USP15: variants seen among roughly 807,000 people sequenced by gnomAD.
USP15 encodes the protein ubiquitin carboxyl-terminal hydrolase 15.
Under a neutral mutation model 127.1 loss-of-function variants are expected in USP15, and 18 were observed. The ratio of observed to expected loss-of-function variants is 0.14; its 90% CI spans 0.10 to 0.21. The LOEUF is 0.21. Ranked by LOEUF, USP15 falls within the 10% of genes least tolerant of loss-of-function variation. The pLI is 1.00. For missense variants in USP15, 805 were observed against 1,159.9 expected, an observed-to-expected ratio of 0.69 and a Z score of 4.44; for synonymous variants, 364 against 393.7, an observed-to-expected ratio of 0.92 and a Z score of 0.89.
intron 2 of USP15, among the ~76,000 whole-genome samples, chr12:62,298,600 C>T (rs957516598): frequency 1.3e-5 from 2 of 151,902 alleles, no homozygotes; most frequent in South Asian, 4.2e-4. Context: ...TGGAAGGCAG[C>T]GGTTCAGCAA....
rs2068116392 is a variant in USP15, at chr12:62,414,737, T to G, written c.*10362T>G. ...ATAGAAGTGTGTATTCAGGGTGCACTCAATAGGATTACATCTGGCTGGCAG... is the reference window on the plus strand; with the variant it reads ...ATAGAAGTGTGTATTCAGGGTGCACGCAATAGGATTACATCTGGCTGGCAG... On this transcript the variant is annotated 3_prime_UTR_variant, in exon 22 of 22. Transcript: ENST00000280377. 3.9e-5 allele frequency: 6 copies of G among 151,990 alleles called. No individual in the cohort carries two copies. The highest frequency in any genetic ancestry group is 2.6e-4 in the Admixed American group (4 of 15,240). The allele number at this position is 151,990 out of a possible 1,614,324, so 9.4% of individuals were successfully genotyped here.
At chr12:62,327,575 A>T in intron 6 of USP15, 1 of 399,632 alleles carries the variant, frequency 2.5e-6, no homozygotes, top group Non-Finnish European at 4.8e-6. Flanking sequence ...CATGAGTTCT[A>T]AAGATTGAGA....
At chr12:62,305,513 C>T (rs191245013) in intron 3 of USP15, 51 of 152,004 alleles carry the variant, frequency 3.4e-4, no homozygotes, top group African/African-American at 1.2e-3. Context: ...TACCTGCAGA[C>T]GTGTATTAAA....
rs2068051445 is a variant in USP15, at chr12:62,412,019, T to C, written c.*7644T>C. ...GACACAGTTGAGCCCATAGCAGATA[T>C]ATTTAGTAACAACTGTGGGTACAGG... On this transcript the variant is annotated 3_prime_UTR_variant, in exon 22 of 22. Transcript: ENST00000280377. 6.6e-6 allele frequency: 1 copy of C among 152,162 alleles called. No homozygotes were observed. Among genetic ancestry groups the C allele is most frequent in the Admixed American group, 6.5e-5 (1 of 15,270 alleles). The allele number at this position is 152,162 out of a possible 1,614,324, so 9.4% of individuals were successfully genotyped here. A position where few individuals can be genotyped will look rare whatever the true frequency, so the allele number is the denominator to read the frequency against.
At chr12:62,345,052 A>G (rs12317437) in intron 6 of USP15, among the ~76,000 whole-genome samples, 34,122 of 152,150 alleles carry the variant, frequency 0.22, 4,170 homozygotes, top group African/African-American at 0.34. Context: ...GGGGATTAAC[A>G]TTTGGCTGCT....
In USP15 at chr12:62,314,894, A is replaced by G; in HGVS notation, c.453A>G (p.Arg151=). Reference sequence around the variant, plus strand: ...ACATGAATAATGTTGTAACTCGAAGATTTAGCAAAGCTGACACAATAGGTA... The same window carrying G: ...ACATGAATAATGTTGTAACTCGAAGGTTTAGCAAAGCTGACACAATAGGTA... ...NGNMNNVVTR[R]FSKADTIDTI... is the part of the protein sequence containing the mutation. Residue 151 remains arginine (R), a synonymous_variant, in exon 4 of 22, where the codon AGA becomes AGG. Transcript: ENST00000280377. The G allele has an allele frequency of 6.3e-7, 1 of 1,587,588 alleles. No individual in the cohort carries two copies. Among genetic ancestry groups the G allele is most frequent in the Non-Finnish European group, 8.6e-7 (1 of 1,167,148 alleles).
chr12:62,334,330 A>C (rs1353066489), intron 6 of USP15: 1 of 152,234 alleles, frequency 6.6e-6, no homozygotes, highest in Admixed American at 6.5e-5. Context: ...GGCTGAAAAA[A>C]TTATTGTAAT....
intron 6 of USP15, among the ~76,000 whole-genome samples, chr12:62,331,259 GAATCACTGGTAGAATTTATT>G (rs1040231459): frequency 6.6e-6 from 1 of 152,142 alleles, no homozygotes; most frequent in African/African-American, 2.4e-5. Context: ...ATAGAAAGAA[GAATCACTGGTAGAATTTATT>G]AAAACAGTTT....
At chr12:62,397,915 T>C (rs1016683377) in intron 20 of USP15, among the ~76,000 whole-genome samples, 1 of 151,826 alleles carries the variant, frequency 6.6e-6, no homozygotes, top group African/African-American at 2.4e-5. Context: ...TTTCAAAGAA[T>C]TACTTTTCAT....
At chr12:62,289,874 C>G (rs923324331) in intron 1 of USP15, among the ~76,000 whole-genome samples, 2 of 152,008 alleles carry the variant, frequency 1.3e-5, no homozygotes, top group Non-Finnish European at 2.9e-5. Context: ...ACCCAAAGAT[C>G]GTTCAGGAAC....
intron 6 of USP15, among the ~76,000 whole-genome samples, chr12:62,328,624 C>T (rs1447679489): frequency 6.6e-6 from 1 of 152,012 alleles, no homozygotes; most frequent in Non-Finnish European, 1.5e-5. Context: ...TTCTTTAAAG[C>T]ACATCAGTGT....
chr12:62,388,413 G>A (rs112674759), intron 11 of USP15, among the ~76,000 whole-genome samples: 15,718 of 152,250 alleles, frequency 0.1, 848 homozygotes, highest in Middle Eastern at 0.17. Context: ...GATTACAGGC[G>A]TGAGCCACTG....
At chr12:62,309,926 G>C (rs895984702) in intron 3 of USP15, among the ~76,000 whole-genome samples, 2 of 151,580 alleles carry the variant, frequency 1.3e-5, no homozygotes, top group African/African-American at 2.4e-5. Flanking sequence ...TTCTTCCCAA[G>C]TCAAGAATAA....
At chr12:62,357,899 A>T (rs1247192027) in intron 8 of USP15, among the ~76,000 whole-genome samples, 1 of 152,108 alleles carries the variant, frequency 6.6e-6, no homozygotes, top group Non-Finnish European at 1.5e-5. Flanking sequence ...TAGTTCATAG[A>T]TCCAAAAATA....
chr12:62,365,537 G>C (rs1480461539), intron 8 of USP15, among the ~76,000 whole-genome samples: 1 of 152,096 alleles, frequency 6.6e-6, no homozygotes, highest in Non-Finnish European at 1.5e-5. Flanking sequence ...CTTTTCCTGT[G>C]CAGAAGCTTT....
intron 8 of USP15, among the ~76,000 whole-genome samples, chr12:62,361,128 G>A (rs983522247): frequency 4.6e-4 from 70 of 152,174 alleles, no homozygotes; most frequent in African/African-American, 1.5e-3. Context: ...ATTATTTTAA[G>A]AAAGAGTATA....
intron 4 of USP15, among the ~76,000 whole-genome samples, chr12:62,316,708 A>G (rs1009581937): frequency 1.3e-5 from 2 of 152,060 alleles, no homozygotes; most frequent in Admixed American, 6.6e-5. Flanking sequence ...CAGAGATATT[A>G]TTTTAGAACA....
intron 1 of USP15, 50 bp from the exon 2 acceptor site, chr12:62,294,129 G>C (rs1428388015): frequency 6.3e-7 from 1 of 1,589,178 alleles, no homozygotes; most frequent in East Asian, 2.3e-5. Context: ...CTGTTCTACT[G>C]TTCCTGTATT....
chr12:62,361,815 T>G (rs2066327721), intron 8 of USP15, among the ~76,000 whole-genome samples: 1 of 151,974 alleles, frequency 6.6e-6, no homozygotes, highest in Non-Finnish European at 1.5e-5. Context: ...AAGTTTACCA[T>G]TTACTTCTTT....
Sources: gnomAD v4.1 joint callset for allele counts (sites outside exome capture counted in the v4.1 genomes callset) on GRCh38, gnomAD v4.1.1 for gene constraint, MANE v1.5 for transcripts, NCBI Gene and HGNC (gene_info 2026-07-23, HGNC 2026-07-21) for gene names.